The following SCAF8 variants were observed in gnomAD, a reference collection of about 807,000 sequenced individuals.
The protein encoded by SCAF8 is SR-related and CTD-associated factor 8.
Under a neutral mutation model 140.5 loss-of-function variants are expected in SCAF8, and 23 were observed. That is an observed-to-expected ratio of 0.16 (90% CI 0.12 to 0.23). SCAF8 has a LOEUF of 0.23. SCAF8 is among the 10% of genes least tolerant of loss of function. The pLI is 1.00. For missense variants in SCAF8, 1,397 were observed against 1,555.7 expected, an observed-to-expected ratio of 0.90 and a Z score of 1.72; for synonymous variants, 575 against 528.9, an observed-to-expected ratio of 1.09 and a Z score of -1.20.
In SCAF8 at chr6:154,733,595, C is replaced by T. The variant is rs1004645962; in HGVS notation, c.-306C>T. 2.0e-4 allele frequency: 263 copies of T among 1,290,740 alleles called. No homozygotes were observed. Among genetic ancestry groups the T allele is most frequent in the Middle Eastern group, 5.8e-4 (2 of 3,464 alleles). 80.0% of individuals were successfully genotyped at this position (1,290,740 alleles called of 1,614,324 possible). On this transcript the variant is annotated 5_prime_UTR_variant, in exon 1 of 20. Coordinates refer to ENST00000367178, the MANE Select transcript of SCAF8 (RefSeq NM_014892.5). ...GGAGGGGGACCGAAACGGAGCGGGG[C>T]AGAGAAGAGAAGGCGCCGCGGCCCA... is the stretch of plus-strand genomic sequence containing the variant.
chr6:154,787,574 A>G (rs1332045909), intron 3 of SCAF8, among the ~76,000 whole-genome samples: 1 of 152,186 alleles, frequency 6.6e-6, no homozygotes, highest in African/African-American at 2.4e-5. Context: ...CAGTGGTTAA[A>G]CAAATTTTAA....
rs1776917736 is a variant in SCAF8, at chr6:154,776,329, C to T, written c.115-1672C>T. Among the ~76,000 whole-genome samples, 3 of 151,202 alleles carry T rather than the reference C, an allele frequency of 2.0e-5. 1 individual carries two copies. Among genetic ancestry groups the T allele is most frequent in the South Asian group, 4.2e-4 (2 of 4,782 alleles). On this transcript the variant is annotated intron_variant, in intron 2 of 19. Transcript: ENST00000367178. Reference sequence around the variant, plus strand: ...TATATATGTATATATATAAACACTACATTTTATCAATCAGATTTAAATGAT... The same window carrying T: ...TATATATGTATATATATAAACACTATATTTTATCAATCAGATTTAAATGAT...
rs760447308 is a variant in SCAF8, at chr6:154,750,045, G to A, written c.30+16115G>A. Among the ~76,000 whole-genome samples the A allele has an allele frequency of 2.0e-5, 3 of 151,564 alleles. No homozygotes were observed. The Admixed American group carries it at 2.0e-4, about 10-fold the overall frequency. ...GCTTTGGTTTAAGGTTGATTTAAGAGTATGGTACCAGTCACTAAGATGGGC... is the reference window on the plus strand; with the variant it reads ...GCTTTGGTTTAAGGTTGATTTAAGAATATGGTACCAGTCACTAAGATGGGC... On this transcript the variant is annotated intron_variant, in intron 1 of 19. Transcript: ENST00000367178.
chr6:154,737,634 GAAGGT>G (rs1778459034), intron 1 of SCAF8, among the ~76,000 whole-genome samples: 1 of 152,204 alleles, frequency 6.6e-6, no homozygotes, highest in Non-Finnish European at 1.5e-5. Context: ...CATGACCCAG[GAAGGT>G]GGAGGCTGCA....
intron 12 of SCAF8, among the ~76,000 whole-genome samples, chr6:154,812,900 A>T (rs1778138131): frequency 6.6e-6 from 1 of 152,100 alleles, no homozygotes; most frequent in Admixed American, 6.5e-5. Flanking sequence ...ACCAGTAATA[A>T]AGAGGAAAAA....
At chr6:154,744,831 C>T (rs1303872039) in intron 1 of SCAF8, among the ~76,000 whole-genome samples, 1 of 152,134 alleles carries the variant, frequency 6.6e-6, no homozygotes, top group African/African-American at 2.4e-5. Flanking sequence ...GATTTCTGTG[C>T]CTCCTGTAAC....
chr6:154,745,359 T>G (rs1214603800), intron 1 of SCAF8, among the ~76,000 whole-genome samples: 1 of 152,144 alleles, frequency 6.6e-6, no homozygotes, highest in Non-Finnish European at 1.5e-5. Context: ...TTAATAGGGA[T>G]GTAGAGCTTT....
chr6:154,786,037 A>G (rs1346693066), intron 3 of SCAF8, among the ~76,000 whole-genome samples: 2 of 152,218 alleles, frequency 1.3e-5, no homozygotes, highest in African/African-American at 4.8e-5. Flanking sequence ...GACAGAGCCA[A>G]TTTATCAAGA....
chr6:154,734,695 G>C (rs958820927), intron 1 of SCAF8, among the ~76,000 whole-genome samples: 2 of 152,150 alleles, frequency 1.3e-5, no homozygotes, highest in African/African-American at 4.8e-5. Context: ...GAATTTACTA[G>C]TCTGGAAGAA....
chr6:154,734,413 C>G (rs1027904928), intron 1 of SCAF8, among the ~76,000 whole-genome samples: 3 of 152,006 alleles, frequency 2.0e-5, no homozygotes, highest in Non-Finnish European at 4.4e-5. Flanking sequence ...GGTCACGTTA[C>G]ACGTAGTGTT....
At chr6:154,805,531 A>G in intron 9 of SCAF8, 45 bp downstream of exon 9, 1 of 1,060,548 alleles carries the variant, frequency 9.4e-7, no homozygotes. Flanking sequence ...TACTATTTAT[A>G]TTCTATAAAT....
At chr6:154,750,005 A>G (rs1405442172) in intron 1 of SCAF8, among the ~76,000 whole-genome samples, 1 of 151,806 alleles carries the variant, frequency 6.6e-6, no homozygotes, top group African/African-American at 2.4e-5. Context: ...TATGAGGAAG[A>G]TGGGTGTTGC....
chr6:154,736,200 T>C (rs1778413712), intron 1 of SCAF8, among the ~76,000 whole-genome samples: 2 of 151,680 alleles, frequency 1.3e-5, no homozygotes, highest in Non-Finnish European at 2.9e-5. Flanking sequence ...ACACACTTTG[T>C]TGGGTGTCTG....
rs879496269 is a variant in SCAF8, at chr6:154,741,414, C to CT, written c.30+7494dup. Reference sequence around the variant, plus strand: ...AGTCATATTCTATGATCATTTGCTTCTTTTTTTTTTGAGATGGAGTCTTGC... The same window carrying CT: ...AGTCATATTCTATGATCATTTGCTTCTTTTTTTTTTTGAGATGGAGTCTTGC... On this transcript the variant is annotated intron_variant, in intron 1 of 19. Transcript: ENST00000367178. Among the ~76,000 whole-genome samples the CT allele has an allele frequency of 8.2e-3, 1,221 of 148,812 alleles. 15 individuals are homozygous for CT. The highest frequency in any genetic ancestry group is 0.028 in the African/African-American group (1,153 of 40,674).
chr6:154,780,830 C>T (rs1285541954), intron 3 of SCAF8, among the ~76,000 whole-genome samples: 1 of 152,086 alleles, frequency 6.6e-6, no homozygotes, highest in Non-Finnish European at 1.5e-5. Flanking sequence ...CTGCAGTAAA[C>T]ATACGTGTGC....
intron 1 of SCAF8, among the ~76,000 whole-genome samples, chr6:154,738,208 A>G (rs971274676): frequency 6.6e-5 from 10 of 151,804 alleles, no homozygotes; most frequent in African/African-American, 2.4e-4. Flanking sequence ...AAAAAAAAAA[A>G]AGAAAAGAAA....
chr6:154,764,879 A>G (rs1260275960), intron 1 of SCAF8, among the ~76,000 whole-genome samples: 1 of 152,190 alleles, frequency 6.6e-6, no homozygotes, highest in Non-Finnish European at 1.5e-5. Context: ...TAACATTCCC[A>G]ATTCTTGGAG....
chr6:154,740,158 G>A (rs1381084186), intron 1 of SCAF8, among the ~76,000 whole-genome samples: 1 of 152,124 alleles, frequency 6.6e-6, no homozygotes, highest in Non-Finnish European at 1.5e-5. Context: ...ATAAAGGAAG[G>A]AAGTCTTTCA....
At position 154,796,213 on chromosome 6, in the gene SCAF8, A is replaced by G. The variant is rs575616824; in HGVS notation, c.606+1074A>G. On this transcript the variant is annotated intron_variant, in intron 6 of 19. Coordinates refer to ENST00000367178, the MANE Select transcript of SCAF8 (RefSeq NM_014892.5). The stretch of plus-strand genomic sequence containing the variant: ...ATGTTGGTTTTGTTTCGAGATATGT[A>G]TTTTTTATGAGGGGCATATTCTCCT... Among the ~76,000 whole-genome samples, 8 of 152,162 alleles carry G rather than the reference A, an allele frequency of 5.3e-5. No homozygotes were observed. In the East Asian group the frequency reaches 9.6e-4, roughly 18 times the overall value.
Sources: gnomAD v4.1 joint callset for allele counts (sites outside exome capture counted in the v4.1 genomes callset) on GRCh38, gnomAD v4.1.1 for gene constraint, MANE v1.5 for transcripts, NCBI Gene and HGNC (gene_info 2026-07-23, HGNC 2026-07-21) for gene names.